The following PARD3B variants were observed in gnomAD, a reference collection of about 807,000 sequenced individuals.
The protein encoded by PARD3B is partitioning defective 3 homolog B.
A neutral mutation model predicts 130.2 loss-of-function variants in PARD3B; 103 were observed. The ratio of observed to expected loss-of-function variants is 0.79; its 90% CI spans 0.67 to 0.93. The LOEUF is 0.93. Ranked by LOEUF, PARD3B falls within the 40% of genes least tolerant of loss-of-function variation. The pLI, the probability that PARD3B is intolerant of heterozygous loss-of-function variation, is 0.00. For synonymous variants in PARD3B, 583 were observed against 553.2 expected (o/e 1.05, Z -0.76); for missense variants, 1,609 against 1,499.2 (o/e 1.07, Z -1.21).
At chr2:204,780,816 G>A (rs1361257497) in intron 2 of PARD3B, among the ~76,000 whole-genome samples, 1 of 151,932 alleles carries the variant, frequency 6.6e-6, no homozygotes, top group Admixed American at 6.6e-5. Context: ...TTAAAGATGG[G>A]AGCAAAAGAA....
At position 205,615,662 on chromosome 2, in the gene PARD3B, G is replaced by A. The variant is rs781110929; in HGVS notation, c.3467G>A (p.Arg1156Gln). Residue 1156 changes from arginine to glutamine, a missense_variant, in exon 23 of 23, where the codon CGA (arginine) becomes CAA (glutamine). Coordinates refer to ENST00000406610, the MANE Select transcript of PARD3B (RefSeq NM_001302769.2). The part of the protein sequence containing the change: ...PPAPQHKGPF[R>Q]QDVPPSPPQH... ...GCTCCCCAGCACAAAGGACCCTTTC[G>A]ACAAGACGTTCCGCCTTCCCCTCCC... The A allele has an allele frequency of 1.4e-5, 23 of 1,613,630 alleles. No homozygotes were observed. The Admixed American group carries it at 1.5e-4, about 11-fold the overall frequency.
Position 204,610,635 on chromosome 2 carries a change from C to T in PARD3B, c.120+64516C>T, listed in dbSNP as rs534777555. ...TTGGCCTCCCAAAGTGCTGGGATTA[C>T]AGGCAGGAGCCACCGTGCCTGCCCC... On this transcript the variant is annotated intron_variant, in intron 1 of 22. Transcript: ENST00000406610. The surrounding 1 kb of genome is among the most constrained non-coding windows in gnomAD (Gnocchi z 4.1). Among the ~76,000 whole-genome samples the T allele has an allele frequency of 4.0e-4, 61 of 152,298 alleles. No homozygotes were observed. The highest frequency in any genetic ancestry group is 2.1e-3 in the Admixed American group (32 of 15,292).
At chr2:204,758,239 T>C (rs949796845) in intron 2 of PARD3B, among the ~76,000 whole-genome samples, 6 of 152,070 alleles carry the variant, frequency 3.9e-5, no homozygotes, top group African/African-American at 1.4e-4. Context: ...ACCCGAAAGC[T>C]CAGTGCTTGC....
chr2:204,626,133 T>C (rs990580765), intron 1 of PARD3B, among the ~76,000 whole-genome samples: 7 of 152,122 alleles, frequency 4.6e-5, no homozygotes, highest in African/African-American at 1.7e-4. Context: ...CAATTAGAAG[T>C]AGTAATCCCC....
intron 2 of PARD3B, among the ~76,000 whole-genome samples, chr2:204,771,176 A>G (rs1276678966): frequency 6.6e-6 from 1 of 152,050 alleles, no homozygotes; most frequent in African/African-American, 2.4e-5. Flanking sequence ...ACAGTAATTT[A>G]TAGATTTTTT....
chr2:205,203,565 C>T (rs1367927841), intron 15 of PARD3B, among the ~76,000 whole-genome samples: 1 of 152,086 alleles, frequency 6.6e-6, no homozygotes, highest in Admixed American at 6.6e-5. Flanking sequence ...AACCCATCAT[C>T]TACATTAGGT....
rs1394163249 is a variant in PARD3B, at chr2:205,460,273, T to C, written c.3044+19601T>C. ...CGTAAATTTCCTACTGGGTCATTTT[T>C]TTTCTGAGAGGGTATTTCTCTAAAC... On this transcript the variant is annotated intron_variant, in intron 20 of 22. Transcript: ENST00000406610. This position sits in a 1 kb window ranked among gnomAD's most constrained non-coding sequence, Gnocchi z 4.9. Among the ~76,000 whole-genome samples the C allele has an allele frequency of 2.6e-5, 4 of 152,176 alleles. No homozygotes were observed. Among genetic ancestry groups the C allele is most frequent in the Admixed American group, 1.3e-4 (2 of 15,272 alleles).
intron 22 of PARD3B, among the ~76,000 whole-genome samples, chr2:205,577,869 C>T (rs913517525): frequency 6.6e-6 from 1 of 152,308 alleles, no homozygotes; most frequent in Admixed American, 6.5e-5. Flanking sequence ...CAGAACTACC[C>T]ATTGCTTTCC....
rs531065336 is a variant in PARD3B, at chr2:205,346,398, T to C, written c.2630+44697T>C. 7.9e-5 allele frequency among the ~76,000 whole-genome samples: 12 copies of C among 152,010 alleles called. No homozygotes were observed. The East Asian group carries it at 2.3e-3, about 30-fold the overall frequency. Reference sequence around the variant, plus strand: ...CCACAGCTGAGGCTCAGGTGTTATTTAGTATTGTGATTATTCAGTTATCTT... The same window carrying C: ...CCACAGCTGAGGCTCAGGTGTTATTCAGTATTGTGATTATTCAGTTATCTT... On this transcript the variant is annotated intron_variant, in intron 18 of 22. Transcript: ENST00000406610.
At chr2:205,108,063 G>C (rs1035995270) in intron 5 of PARD3B, among the ~76,000 whole-genome samples, 2 of 152,058 alleles carry the variant, frequency 1.3e-5, no homozygotes, top group Non-Finnish European at 2.9e-5. Flanking sequence ...CTGTGTCAAG[G>C]ATATCTATTC....
chr2:204,826,505 A>G (rs561459970), intron 2 of PARD3B, among the ~76,000 whole-genome samples: 1 of 152,324 alleles, frequency 6.6e-6, no homozygotes, highest in African/African-American at 2.4e-5. Flanking sequence ...TCTATGGACT[A>G]CCACAATAAT....
intron 21 of PARD3B, among the ~76,000 whole-genome samples, chr2:205,537,272 T>C (rs2051904856): frequency 6.6e-6 from 1 of 152,248 alleles, no homozygotes; most frequent in Non-Finnish European, 1.5e-5. Flanking sequence ...ATAAACATTC[T>C]TCTCCTTAAA....
intron 21 of PARD3B, among the ~76,000 whole-genome samples, chr2:205,547,111 TTC>T (rs2052413029): frequency 6.6e-6 from 1 of 152,168 alleles, no homozygotes; most frequent in Non-Finnish European, 1.5e-5. Context: ...AGAGGACTTT[TTC>T]TCATCTCTAT....
At chr2:205,000,833 C>G (rs1012099588) in intron 3 of PARD3B, among the ~76,000 whole-genome samples, 1 of 152,152 alleles carries the variant, frequency 6.6e-6, no homozygotes, top group African/African-American at 2.4e-5. Context: ...GTGCAAGGTA[C>G]TGTCACTAGA....
At chr2:205,453,679 C>A (rs924835862) in intron 20 of PARD3B, among the ~76,000 whole-genome samples, 1 of 152,128 alleles carries the variant, frequency 6.6e-6, no homozygotes, top group African/African-American at 2.4e-5. Context: ...TTTCAAACTT[C>A]ATGTTACACC....
intron 18 of PARD3B, among the ~76,000 whole-genome samples, chr2:205,347,537 G>A (rs998321396): frequency 1.8e-4 from 28 of 152,142 alleles, no homozygotes; most frequent in African/African-American, 6.3e-4. Flanking sequence ...GAGGCCAGTA[G>A]TTAAAAAATA....
intron 2 of PARD3B, among the ~76,000 whole-genome samples, chr2:204,956,304 G>A (rs182452243): frequency 1.8e-4 from 28 of 152,296 alleles, no homozygotes; most frequent in African/African-American, 6.7e-4. Flanking sequence ...TTGTAGGGAA[G>A]GAGGGAAAAT....
intron 2 of PARD3B, among the ~76,000 whole-genome samples, chr2:204,816,903 T>A (rs185833987): frequency 1.1e-3 from 168 of 152,204 alleles, no homozygotes; most frequent in African/African-American, 3.7e-3. Context: ...GCCTACAGAT[T>A]GTATTTTCAA....
At position 205,406,659 on chromosome 2, in the gene PARD3B, CTTTTTTTTTTT is replaced by C. The variant is rs777517284; in HGVS notation, c.2741+5555_2741+5565del. 5.4e-3 allele frequency among the ~76,000 whole-genome samples: 475 copies of C among 87,478 alleles called. 7 individuals carry two copies. The highest frequency in any genetic ancestry group is 0.02 in the African/African-American group (432 of 21,210). The allele number at this position is 87,478 out of a possible 152,430, so 57.4% of individuals were successfully genotyped here. On this transcript the variant is annotated intron_variant, in intron 19 of 22. Transcript: ENST00000406610. The stretch of plus-strand genomic sequence containing the variant: ...TAGCACCTAAAATCTTCTTGTGTAT[CTTTTTTTTTTT>C]TTTTTTTTTTTTTTTTTTAAAGACA...
Sources: allele counts gnomAD v4.1 joint callset (sites outside exome capture counted in the v4.1 genomes callset), GRCh38; gene constraint gnomAD v4.1.1; non-coding constraint Gnocchi (gnomAD v3.1); transcripts MANE v1.5; gene names NCBI Gene and HGNC (gene_info 2026-07-23, HGNC 2026-07-21).